RRP15: variants seen among roughly 807,000 people sequenced by gnomAD.
RRP15 encodes the protein ribosomal RNA processing 15 homolog.
Under a neutral mutation model 27.1 loss-of-function variants are expected in RRP15, and 18 were observed. The observed-to-expected ratio is 0.66, with a 90% confidence interval of 0.46 to 0.98. The LOEUF is 0.98. RRP15 is among the 50% of genes least tolerant of loss of function. The probability of loss-of-function intolerance (pLI) is 0.00; values close to 1 mark genes in which losing one functional copy is unlikely to be tolerated. For missense variants in RRP15, 359 were observed against 337.8 expected (o/e 1.06, Z -0.49); for synonymous variants, 107 against 109.4 (o/e 0.98, Z 0.14).
intron 4 of RRP15, among the ~76,000 whole-genome samples, chr1:218,319,129 G>T (rs778523679): frequency 6.6e-6 from 1 of 150,792 alleles, no homozygotes; most frequent in Non-Finnish European, 1.5e-5. Context: ...GTGCAATCTC[G>T]GCTCGGCTCA....
chr1:218,319,199 G>A (rs1324565843), intron 4 of RRP15, among the ~76,000 whole-genome samples: 1 of 151,136 alleles, frequency 6.6e-6, no homozygotes, highest in African/African-American at 2.4e-5. Flanking sequence ...TGAGTAGCTG[G>A]GATTACAGGC....
intron 4 of RRP15, among the ~76,000 whole-genome samples, chr1:218,323,780 G>A (rs1281124683): frequency 6.6e-6 from 1 of 152,208 alleles, no homozygotes; most frequent in Non-Finnish European, 1.5e-5. Flanking sequence ...CAGGGGCCTG[G>A]CATGTCAGCG....
intron 1 of RRP15, among the ~76,000 whole-genome samples, chr1:218,300,510 C>T (rs1655796128): frequency 6.6e-6 from 1 of 152,112 alleles, no homozygotes; most frequent in Non-Finnish European, 1.5e-5. Context: ...ATTGTAATCA[C>T]TTGCTAAAAG....
chr1:218,325,818 G>T (rs1443801054), intron 4 of RRP15, among the ~76,000 whole-genome samples: 1 of 151,970 alleles, frequency 6.6e-6, no homozygotes, highest in African/African-American at 2.4e-5. Context: ...CCTATTATTT[G>T]CATACTGGGC....
intron 1 of RRP15, among the ~76,000 whole-genome samples, chr1:218,296,561 G>T (rs771331622): frequency 6.6e-6 from 1 of 151,586 alleles, no homozygotes; most frequent in East Asian, 1.9e-4. Flanking sequence ...GGAGAGGATT[G>T]TGTGAGCCTG....
At chr1:218,326,905 T>C (rs999864365) in intron 4 of RRP15, among the ~76,000 whole-genome samples, 6 of 152,194 alleles carry the variant, frequency 3.9e-5, no homozygotes, top group Non-Finnish European at 7.3e-5. Context: ...CCCAGTGCTT[T>C]TTATTTTGGT....
At chr1:218,323,919 C>T (rs1656229548) in intron 4 of RRP15, among the ~76,000 whole-genome samples, 2 of 152,308 alleles carry the variant, frequency 1.3e-5, no homozygotes, top group African/African-American at 2.4e-5. Context: ...TACTTCCGAG[C>T]CTGCAGGGGC....
intron 1 of RRP15, among the ~76,000 whole-genome samples, chr1:218,286,222 C>T (rs530492299): frequency 6.6e-6 from 1 of 151,956 alleles, no homozygotes; most frequent in Non-Finnish European, 1.5e-5. Flanking sequence ...GATCCAGTGG[C>T]TTCTCATCTC....
chr1:218,309,702 AAAAAAAC>A, intron 4 of RRP15, among the ~76,000 whole-genome samples: 1 of 151,526 alleles, frequency 6.6e-6, no homozygotes, highest in Non-Finnish European at 1.5e-5. Context: ...AAAAAAAAAA[AAAAAAAC>A]ATATTTATTA....
chr1:218,315,852 G>A (rs897697858), intron 4 of RRP15, among the ~76,000 whole-genome samples: 20 of 152,252 alleles, frequency 1.3e-4, no homozygotes, highest in Admixed American at 8.5e-4. Flanking sequence ...CAGGACAACA[G>A]TGTTTTACTC....
At position 218,302,109 on chromosome 1, in the gene RRP15, G is replaced by A. The variant is rs935595979; in HGVS notation, c.140-185G>A. ...TATATGTGGCTGGGCGAGGTCTCTG[G>A]GAGCTGATGGCAATGGGATAGATGG... On this transcript the variant is annotated intron_variant, in intron 1 of 4. Coordinates refer to ENST00000366932, the MANE Select transcript of RRP15 (RefSeq NM_016052.4). The A allele has an allele frequency of 9.4e-6, 5 of 530,020 alleles. No homozygotes were observed. The Admixed American group carries it at 1.0e-4, about 11-fold the overall frequency. The allele number at this position is 530,020 out of a possible 1,614,324, so 32.8% of individuals were successfully genotyped here. A position where few individuals can be genotyped will look rare whatever the true frequency, so the allele number is the denominator to read the frequency against.
intron 1 of RRP15, among the ~76,000 whole-genome samples, chr1:218,291,312 G>T (rs1407161690): frequency 3.3e-5 from 5 of 151,596 alleles, no homozygotes; most frequent in Admixed American, 3.3e-4. Flanking sequence ...CAACATGGTG[G>T]TGTATGCCTG....
chr1:218,293,008 T>C (rs76739484), intron 1 of RRP15, among the ~76,000 whole-genome samples: 5,029 of 152,020 alleles, frequency 0.033, 265 homozygotes, highest in African/African-American at 0.11. Context: ...TTACTTATTA[T>C]TTTAAAACTT....
intron 2 of RRP15, among the ~76,000 whole-genome samples, chr1:218,303,340 C>T (rs993007774): frequency 6.6e-6 from 1 of 152,150 alleles, no homozygotes. Flanking sequence ...TTTGAACTGA[C>T]ATATATTTCC....
At chr1:218,317,223 G>T (rs1202072524) in intron 4 of RRP15, among the ~76,000 whole-genome samples, 3 of 152,234 alleles carry the variant, frequency 2.0e-5, no homozygotes, top group African/African-American at 7.2e-5. Flanking sequence ...AGCAAGTAAG[G>T]ATAGTGAGTA....
intron 4 of RRP15, among the ~76,000 whole-genome samples, chr1:218,321,291 G>A (rs1305942108): frequency 3.9e-5 from 6 of 152,202 alleles, no homozygotes. Flanking sequence ...TTAAGTTCTT[G>A]CATTTAGTCA....
intron 1 of RRP15, among the ~76,000 whole-genome samples, chr1:218,288,332 T>C (rs1333788923): frequency 1.3e-5 from 2 of 152,226 alleles, no homozygotes; most frequent in South Asian, 2.1e-4. Context: ...GCAACTTTCA[T>C]GTGAGCTTAT....
At chr1:218,325,079 G>T (rs1171034911) in intron 4 of RRP15, among the ~76,000 whole-genome samples, 1 of 152,038 alleles carries the variant, frequency 6.6e-6, no homozygotes, top group Non-Finnish European at 1.5e-5. Context: ...TGGGTTCTTG[G>T]ATCTTCCTTT....
Position 218,332,164 on chromosome 1 carries a change from T to C in RRP15, c.*1073T>C, listed in dbSNP as rs1356668758. ...ACATGCTTTAGTCTCTCTCTTCTTT[T>C]TTTTCCTCCCAAATATTTGAGTTAG... is the stretch of plus-strand genomic sequence containing the variant. On this transcript the variant is annotated 3_prime_UTR_variant, in exon 5 of 5. Transcript: ENST00000366932. 6.6e-6 allele frequency: 1 copy of C among 152,202 alleles called. No individual in the cohort carries two copies. The highest frequency in any genetic ancestry group is 1.5e-5 in the Non-Finnish European group (1 of 68,040). The allele number at this position is 152,202 out of a possible 1,614,324, so 9.4% of individuals were successfully genotyped here.
Sources: gnomAD v4.1 joint callset for allele counts (sites outside exome capture counted in the v4.1 genomes callset) on GRCh38, gnomAD v4.1.1 for gene constraint, MANE v1.5 for transcripts, NCBI Gene and HGNC (gene_info 2026-07-23, HGNC 2026-07-21) for gene names.